RBFOX3: variants seen among roughly 807,000 people sequenced by gnomAD.
The protein encoded by RBFOX3 is RNA binding fox-1 homolog 3.
A neutral mutation model predicts 48.7 loss-of-function variants in RBFOX3; 17 were observed. The observed-to-expected ratio is 0.35, with a 90% CI of 0.24 to 0.52. The LOEUF is 0.52. RBFOX3 is among the 20% of genes least tolerant of loss of function. The pLI, the probability that RBFOX3 is intolerant of heterozygous loss-of-function variation, is 0.94. For missense variants in RBFOX3, 382 were observed against 497.5 expected (o/e 0.77, Z 2.21); for synonymous variants, 212 against 209.5 (o/e 1.01, Z -0.10).
At chr17:79,536,236 C>G (rs1215276940) in intron 1 of RBFOX3, among the ~76,000 whole-genome samples, 2 of 152,186 alleles carry the variant, frequency 1.3e-5, no homozygotes, top group Admixed American at 6.5e-5. Flanking sequence ...ACCACTACCA[C>G]CCAGCTAATT....
intron 3 of RBFOX3, among the ~76,000 whole-genome samples, chr17:79,290,600 A>C (rs1254302882): frequency 6.6e-6 from 1 of 152,044 alleles, no homozygotes; most frequent in Non-Finnish European, 1.5e-5. Flanking sequence ...TAGCAAATGG[A>C]GTCTGAGGTT....
At chr17:79,276,366 CTCAATAAA>C (rs2068817881) in intron 3 of RBFOX3, among the ~76,000 whole-genome samples, 1 of 152,200 alleles carries the variant, frequency 6.6e-6, no homozygotes, top group African/African-American at 2.4e-5. Flanking sequence ...GAATTGTTAT[CTCAATAAA>C]GCTGCTTTTT....
chr17:79,616,582 A>AACACACACACACACACACACACACAC, the RBFOX3 span, among the ~76,000 whole-genome samples: 2 of 145,652 alleles, frequency 1.4e-5, no homozygotes, highest in East Asian at 4.0e-4. Flanking sequence ...TCTCTATACA[A>AACACACACACACACACACACACACAC]ACACACACAC....
intron 3 of RBFOX3, among the ~76,000 whole-genome samples, chr17:79,278,155 C>T (rs1267040069): frequency 6.6e-6 from 1 of 152,170 alleles, no homozygotes; most frequent in Non-Finnish European, 1.5e-5. Context: ...CCCGTGGCAG[C>T]CATGGGGGGC....
intron 4 of RBFOX3, among the ~76,000 whole-genome samples, chr17:79,163,647 G>A (rs1177391346): frequency 1.3e-5 from 2 of 152,042 alleles, no homozygotes; most frequent in Admixed American, 6.5e-5. Flanking sequence ...AGCACTGGGT[G>A]CAGAGCTGCC....
At position 79,391,946 on chromosome 17, in the gene RBFOX3, G is replaced by A. The variant is rs946628545; in HGVS notation, c.-174-84122C>T. On this transcript the variant is annotated intron_variant, in intron 2 of 14. Transcript: ENST00000693108. The surrounding 1 kb of genome is among the most constrained non-coding windows in gnomAD (Gnocchi z 5.0). ...TCACAGGTCGCGGGTTTGCTGAGAAGGCACGTGCTCCCCCTGGTGGAAGGA... is the reference window on the plus strand; with the variant it reads ...TCACAGGTCGCGGGTTTGCTGAGAAAGCACGTGCTCCCCCTGGTGGAAGGA... 2.0e-5 allele frequency among the ~76,000 whole-genome samples: 3 copies of A among 152,168 alleles called. No individual in the cohort carries two copies. In the East Asian group the frequency reaches 5.8e-4, roughly 29 times the overall value.
chr17:79,186,964 G>T (rs530487604), intron 4 of RBFOX3, among the ~76,000 whole-genome samples: 3 of 152,240 alleles, frequency 2.0e-5, no homozygotes, highest in Non-Finnish European at 4.4e-5. Context: ...TTCCCTGAGC[G>T]TGCCTGCCTG....
rs1367326177 is a variant in RBFOX3 at position 79,254,488 on chromosome 17, G to A, written c.-73-18683C>T. On this transcript the variant is annotated intron_variant, in intron 3 of 14. Transcript: ENST00000693108. The surrounding 1 kb of genome is among the most constrained non-coding windows in gnomAD (Gnocchi z 4.8). ...ACACTGACCTCTGAACATAGATGGA[G>A]GGAAGCCCTTGAGTTGCTAAGCCTG... is the stretch of plus-strand genomic sequence containing the variant. 6.6e-6 allele frequency among the ~76,000 whole-genome samples: 1 copy of A among 152,116 alleles called. No homozygotes were observed. The highest frequency in any genetic ancestry group is 1.5e-5 in the Non-Finnish European group (1 of 68,024).
rs565537117 is a variant in RBFOX3, at chr17:79,115,653, C to T, written c.63G>A (p.Glu21=). 1.9e-3 allele frequency: 2,563 copies of T among 1,322,094 alleles called. 6 individuals are homozygous for T. The highest frequency in any genetic ancestry group is 4.0e-3 in the South Asian group (253 of 63,056). The allele number at this position is 1,322,094 out of a possible 1,614,324, so 81.9% of individuals were successfully genotyped here. A position where few individuals can be genotyped will look rare whatever the true frequency, so the allele number is the denominator to read the frequency against. Residue 21 remains glutamate (E), a synonymous_variant, in exon 5 of 15, where the codon GAG becomes GAA. Coordinates refer to ENST00000693108, the MANE Select transcript of RBFOX3 (RefSeq NM_001350451.2). The part of the protein sequence containing the change: ...PPPPQNGIPA[E]YAPPPPHPTQ... ...TGGGGTGCGGTGGGGGCGGGGCGTA[C>T]TCGGCAGGGATGCCGTTCTGTGGCG...
chr17:79,633,658 G>A, the RBFOX3 span, among the ~76,000 whole-genome samples: 7 of 152,238 alleles, frequency 4.6e-5, 1 homozygote, highest in South Asian at 4.1e-4. Flanking sequence ...CTGGAGACTG[G>A]ACATGCTTTG....
At chr17:79,507,292 T>C (rs1218547716) in intron 1 of RBFOX3, among the ~76,000 whole-genome samples, 1 of 152,018 alleles carries the variant, frequency 6.6e-6, no homozygotes, top group African/African-American at 2.4e-5. Context: ...CACTCAGGTG[T>C]TTTAAATGGG....
intron 4 of RBFOX3, among the ~76,000 whole-genome samples, chr17:79,131,851 G>GA (rs1396007199): frequency 2.6e-5 from 4 of 152,138 alleles, no homozygotes; most frequent in African/African-American, 9.7e-5. Flanking sequence ...CCCAGCCCCA[G>GA]ACCAGACTCA....
chr17:79,325,627 C>A (rs2146171171), intron 2 of RBFOX3, among the ~76,000 whole-genome samples: 1 of 152,206 alleles, frequency 6.6e-6, no homozygotes, highest in East Asian at 1.9e-4. Context: ...ACCTCCTCAC[C>A]CTGAAAAAAT....
chr17:79,377,140 G>A (rs1319628007), intron 2 of RBFOX3, among the ~76,000 whole-genome samples: 2 of 152,126 alleles, frequency 1.3e-5, no homozygotes, highest in Non-Finnish European at 2.9e-5. Context: ...CTGGGGCATG[G>A]CTCTGGCTTT....
chr17:79,624,991 G>A, the RBFOX3 span, among the ~76,000 whole-genome samples: 2 of 152,112 alleles, frequency 1.3e-5, no homozygotes, highest in African/African-American at 2.4e-5. Flanking sequence ...TTTAAAGGGC[G>A]TGATTGAGGT....
At chr17:79,483,342 C>T (rs2079034996) in intron 1 of RBFOX3, among the ~76,000 whole-genome samples, 1 of 151,586 alleles carries the variant, frequency 6.6e-6, no homozygotes, top group African/African-American at 2.4e-5. Context: ...GCTTCCTGGC[C>T]ATCCCTCCAC....
At chr17:79,263,131 G>A (rs1010610329) in intron 3 of RBFOX3, among the ~76,000 whole-genome samples, 1 of 152,158 alleles carries the variant, frequency 6.6e-6, no homozygotes, top group Non-Finnish European at 1.5e-5. Context: ...AGGGCCCCGC[G>A]AAGCCACCCT....
intron 2 of RBFOX3, among the ~76,000 whole-genome samples, chr17:79,436,970 G>T (rs2069606714): frequency 3.9e-5 from 6 of 152,192 alleles, no homozygotes. Flanking sequence ...GCCATCTTCT[G>T]TCCTGGGAAG....
At chr17:79,562,718 C>A (rs2092293369) in intron 1 of RBFOX3, among the ~76,000 whole-genome samples, 1 of 152,216 alleles carries the variant, frequency 6.6e-6, no homozygotes, top group South Asian at 2.1e-4. Context: ...CCGGCCCCGG[C>A]TGGAGATAAG....
Sources: gnomAD v4.1 joint callset for allele counts (sites outside exome capture counted in the v4.1 genomes callset) on GRCh38, gnomAD v4.1.1 for gene constraint, Gnocchi (gnomAD v3.1) non-coding constraint, MANE v1.5 for transcripts, NCBI Gene and HGNC (gene_info 2026-07-23, HGNC 2026-07-21) for gene names.